Variants in ZNF83 observed in about 807,000 individuals in gnomAD.
The protein encoded by ZNF83 is zinc finger protein 83.
For missense variants in ZNF83, 552 were observed against 629.9 expected (o/e 0.88, Z 1.32); for synonymous variants, 209 against 213.0 (o/e 0.98, Z 0.17).
At chr19:52,649,998 C>T (rs1009773198) in intron 3 of ZNF83, among the ~76,000 whole-genome samples, 1 of 151,890 alleles carries the variant, frequency 6.6e-6, no homozygotes, top group Non-Finnish European at 1.5e-5. Context: ...AACTCAAAGA[C>T]AGGTAAAAAG....
intron 2 of ZNF83, among the ~76,000 whole-genome samples, chr19:52,631,900 A>G (rs1281734025): frequency 6.6e-6 from 1 of 150,764 alleles, no homozygotes; most frequent in African/African-American, 2.5e-5. Flanking sequence ...TCAGTGTTCC[A>G]TCTGCTATTC....
intron 1 of ZNF83, among the ~76,000 whole-genome samples, chr19:52,682,376 C>T (rs2061936317): frequency 6.6e-6 from 1 of 151,770 alleles, no homozygotes; most frequent in African/African-American, 2.4e-5. Flanking sequence ...AATAAAAATA[C>T]AATATAAAAA....
intron 2 of ZNF83, among the ~76,000 whole-genome samples, chr19:52,626,933 G>T (rs2060761424): frequency 6.6e-6 from 1 of 152,164 alleles, no homozygotes; most frequent in African/African-American, 2.4e-5. Context: ...TATACATCCA[G>T]ATGGCCTGAG....
chr19:52,689,409 A>AGC (rs778019001), intron 1 of ZNF83, among the ~76,000 whole-genome samples: 18,560 of 149,790 alleles, frequency 0.12, 1,428 homozygotes, highest in African/African-American at 0.23. Context: ...ACTCTCTAGC[A>AGC]CTCCAGATCC....
chr19:52,617,664 G>A (rs1377391092), intron 2 of ZNF83: 1 of 149,442 alleles, frequency 6.7e-6, no homozygotes, highest in Non-Finnish European at 1.5e-5. Context: ...CCCAGAGGTG[G>A]AGGTTACAGT....
Position 52,681,280 on chromosome 19 carries a change from C to CAAAAAAAAAAA in ZNF83, c.-283+9152_-283+9162dup, listed in dbSNP as rs56916405. 2.0e-3 allele frequency among the ~76,000 whole-genome samples: 149 copies of CAAAAAAAAAAA among 75,418 alleles called. 16 individuals are homozygous for CAAAAAAAAAAA. The highest frequency in any genetic ancestry group is 2.6e-3 in the Non-Finnish European group (105 of 39,990). The allele number at this position is 75,418 out of a possible 152,430, so 49.5% of individuals were successfully genotyped here. A position where few individuals can be genotyped will look rare whatever the true frequency, so the allele number is the denominator to read the frequency against. On this transcript the variant is annotated intron_variant, in intron 1 of 5. Transcript: ENST00000594682. Reference sequence around the variant, plus strand: ...CCTGGGTGACAGAGTGAGACTTTCTCAAAAAAAAAAAAAAAAAAAAAGCAA... The same window carrying CAAAAAAAAAAA: ...CCTGGGTGACAGAGTGAGACTTTCTCAAAAAAAAAAAAAAAAAAAAAAAAAAAAAAAAGCAA...
At chr19:52,658,858 C>G (rs139350396) in intron 2 of ZNF83, among the ~76,000 whole-genome samples, 1 of 152,304 alleles carries the variant, frequency 6.6e-6, no homozygotes, top group Non-Finnish European at 1.5e-5. Context: ...ATCACAGTAC[C>G]TGAGCTTTAA....
chr19:52,640,721 G>A (rs1350579746), upstream of ZNF83, among the ~76,000 whole-genome samples: 1 of 152,040 alleles, frequency 6.6e-6, no homozygotes, highest in Non-Finnish European at 1.5e-5. Flanking sequence ...CCCAGACTGA[G>A]GGGGGAGTTC....
At chr19:52,672,217 G>C (rs2061735866) in intron 1 of ZNF83, among the ~76,000 whole-genome samples, 1 of 152,270 alleles carries the variant, frequency 6.6e-6, no homozygotes, top group Admixed American at 6.5e-5. Context: ...CTGAGCAAAA[G>C]AGTGAGATTC....
exon 3 of ZNF83, chr19:52,613,568 C>T (rs373238202): frequency 6.2e-7 from 1 of 1,613,774 alleles, no homozygotes; most frequent in South Asian, 1.1e-5. Context: ...CAGTGATTTA[C>T]TAGGGATGAC....
chr19:52,652,856 A>G, intron 3 of ZNF83: 1 of 981,182 alleles, frequency 1.0e-6, no homozygotes, highest in Non-Finnish European at 1.6e-6. Flanking sequence ...ACAAAGGATG[A>G]CATATGACTG....
chr19:52,630,348 G>C (rs144312087), intron 2 of ZNF83, among the ~76,000 whole-genome samples: 2 of 151,910 alleles, frequency 1.3e-5, no homozygotes. Context: ...TAATCAATAC[G>C]GAGGCTACCC....
chr19:52,616,934 C>T (rs1414265803), intron 2 of ZNF83: 1 of 152,082 alleles, frequency 6.6e-6, no homozygotes, highest in East Asian at 1.9e-4. Flanking sequence ...AACACAGGAA[C>T]AGAAAACCAA....
chr19:52,662,440 G>A (rs563007452), intron 1 of ZNF83, among the ~76,000 whole-genome samples: 14 of 152,184 alleles, frequency 9.2e-5, no homozygotes, highest in Non-Finnish European at 1.5e-4. Flanking sequence ...ACATGGAGTC[G>A]TGTAGGTGGG....
chr19:52,652,892 T>C, intron 3 of ZNF83: 1 of 1,086,210 alleles, frequency 9.2e-7, no homozygotes, highest in Non-Finnish European at 1.4e-6. Flanking sequence ...TCATTGCACT[T>C]GTAAGGTTTC....
chr19:52,651,134 C>G (rs1941071647), intron 3 of ZNF83: 1 of 152,172 alleles, frequency 6.6e-6, no homozygotes, highest in African/African-American at 2.4e-5. Flanking sequence ...GATCTTCAAG[C>G]CATTAATCAA....
At chr19:52,633,105 C>G (rs1021281873) in intron 2 of ZNF83, among the ~76,000 whole-genome samples, 4 of 152,194 alleles carry the variant, frequency 2.6e-5, no homozygotes, top group Non-Finnish European at 4.4e-5. Flanking sequence ...ACATACACAT[C>G]CAGATGGCCT....
intron 2 of ZNF83, among the ~76,000 whole-genome samples, chr19:52,619,382 C>T (rs556750489): frequency 3.9e-5 from 6 of 152,148 alleles, no homozygotes; most frequent in Non-Finnish European, 7.3e-5. Context: ...AATCCCAACA[C>T]TTTGGGAGGC....
intron 2 of ZNF83, chr19:52,617,100 A>G (rs955549998): frequency 6.6e-6 from 1 of 152,202 alleles, no homozygotes; most frequent in Non-Finnish European, 1.5e-5. Flanking sequence ...CTTAAAACCT[A>G]GATGATGGGT....
Sources: allele counts gnomAD v4.1 joint callset (sites outside exome capture counted in the v4.1 genomes callset), GRCh38; gene constraint gnomAD v4.1.1; transcripts MANE v1.5; gene names NCBI Gene and HGNC (gene_info 2026-07-23, HGNC 2026-07-21).